Variants in SLCO6A1 observed in about 807,000 individuals in gnomAD.
The protein encoded by SLCO6A1 is solute carrier organic anion transporter family member 6A1, also known as cancer/testis antigen 48.
A neutral mutation model predicts 72.7 loss-of-function variants in SLCO6A1; 65 were observed. The observed-to-expected ratio is 0.89, with a 90% CI of 0.73 to 1.10. The LOEUF (loss-of-function observed/expected upper bound fraction) is 1.10, where lower values mean the gene tolerates loss of function less well. Ranked by LOEUF, SLCO6A1 falls within the 50% of genes least tolerant of loss-of-function variation. SLCO6A1 has a pLI of 0.00. For missense variants in SLCO6A1, 874 were observed against 872.6 expected (o/e 1.00, Z -0.02); for synonymous variants, 314 against 298.2 (o/e 1.05, Z -0.55).
chr5:102,399,853 A>G (rs1747305305), intron 9 of SLCO6A1, 111 bp from the exon 10 acceptor site: 2 of 677,302 alleles, frequency 3.0e-6, no homozygotes, highest in Non-Finnish European at 4.6e-6. Flanking sequence ...CATTAGTTTT[A>G]TTTCAAAATG....
At chr5:102,493,801 C>T (rs1483465353) in intron 1 of SLCO6A1, among the ~76,000 whole-genome samples, 6 of 152,050 alleles carry the variant, frequency 3.9e-5, no homozygotes, top group Non-Finnish European at 1.5e-5. Flanking sequence ...AACAAAGATG[C>T]AGGATAGAAG....
chr5:102,397,369 T>G (rs981617554), intron 10 of SLCO6A1, among the ~76,000 whole-genome samples: 1 of 152,152 alleles, frequency 6.6e-6, no homozygotes, highest in Admixed American at 6.5e-5. Context: ...ATTGATATAG[T>G]AGACTTAAAT....
At chr5:102,379,344 C>T (rs527641626) in intron 12 of SLCO6A1, among the ~76,000 whole-genome samples, 1 of 151,934 alleles carries the variant, frequency 6.6e-6, no homozygotes, top group Admixed American at 6.6e-5. Context: ...TATGTTCTTC[C>T]TACTCCAAGG....
chr5:102,382,397 G>A (rs1441192736), intron 12 of SLCO6A1, among the ~76,000 whole-genome samples: 1 of 151,560 alleles, frequency 6.6e-6, no homozygotes, highest in Admixed American at 6.6e-5. Flanking sequence ...TGTAGTATAT[G>A]TTGAAATTAG....
chr5:102,480,462 C>T (rs1293067263), intron 1 of SLCO6A1, 28 bp from the exon 2 acceptor site: 3 of 1,582,674 alleles, frequency 1.9e-6, no homozygotes, highest in African/African-American at 2.7e-5. Context: ...AAAGAGAAAA[C>T]AACGATATGC....
At chr5:102,495,439 C>T (rs534814639) in intron 1 of SLCO6A1, among the ~76,000 whole-genome samples, 18 of 151,830 alleles carry the variant, frequency 1.2e-4, no homozygotes, top group Non-Finnish European at 2.5e-4. Flanking sequence ...ATTAAAAATA[C>T]AAAAATTTAG....
At chr5:102,442,150 G>C (rs1749869001) in intron 6 of SLCO6A1, among the ~76,000 whole-genome samples, 1 of 152,154 alleles carries the variant, frequency 6.6e-6, no homozygotes, top group Non-Finnish European at 1.5e-5. Context: ...CCCTGGAACT[G>C]ATTTTTGGAG....
rs780528826 is a variant in SLCO6A1 at position 102,373,389 on chromosome 5, T to C, written c.2123A>G (p.Asn708Ser). 5 of 1,576,126 alleles carry C rather than the reference T, an allele frequency of 3.2e-6. No individual in the cohort carries two copies. The highest frequency in any genetic ancestry group is 4.3e-6 in the Non-Finnish European group (5 of 1,165,104). ...NTDFPDVTVK[N>S]PKVKKKEETD... Reference sequence around the variant, plus strand: ...TTCTTCTTTTTTCTTAACTTTTGGATTCTTCACAGTTACATCTGGGAAGTC... The same window carrying C: ...TTCTTCTTTTTTCTTAACTTTTGGACTCTTCACAGTTACATCTGGGAAGTC... Residue 708 changes from asparagine (N) to serine (S), a missense_variant, in exon 13 of 14, where the codon AAT becomes AGT. Physicochemically the swap from Asn to Ser is conservative, Grantham distance 46 (BLOSUM62 1). Transcript: ENST00000506729.
intron 12 of SLCO6A1, among the ~76,000 whole-genome samples, chr5:102,382,920 CAT>C (rs1056486905): frequency 1.3e-5 from 2 of 148,766 alleles, no homozygotes; most frequent in African/African-American, 4.9e-5. Flanking sequence ...CATATATATA[CAT>C]GAGATATATA....
At chr5:102,399,534 T>C in intron 10 of SLCO6A1, 21 bp downstream of exon 10, 1 of 1,318,440 alleles carries the variant, frequency 7.6e-7, no homozygotes, top group Non-Finnish European at 9.9e-7. Flanking sequence ...TAAACAATAA[T>C]AATGAGTAAT....
intron 12 of SLCO6A1, among the ~76,000 whole-genome samples, chr5:102,374,586 T>A (rs1444014699): frequency 6.6e-6 from 1 of 152,158 alleles, no homozygotes; most frequent in Non-Finnish European, 1.5e-5. Context: ...ATATCAATTA[T>A]CTGACATAAT....
At chr5:102,429,802 C>T (rs1749116179) in intron 7 of SLCO6A1, among the ~76,000 whole-genome samples, 2 of 151,748 alleles carry the variant, frequency 1.3e-5, no homozygotes, top group African/African-American at 4.8e-5. Flanking sequence ...TTTTTGGATC[C>T]ATATGAATTT....
In SLCO6A1 at chr5:102,413,129, C is replaced by T. The variant is rs141543083; in HGVS notation, c.1487G>A (p.Gly496Glu). ...TTCATTGCAAGGAGCCGTGAGGTTT[C>T]CCAACTTCCCTGTTCTGTAAAAACA... Reference protein sequence around the residue: ...NEDYDGTGKLGNLTAPCNEKC... With the variant: ...NEDYDGTGKLENLTAPCNEKC... The change falls in exon 9 of 14, where the codon GGA becomes GAA. Residue 496 changes from glycine (G) to glutamate (E), a missense_variant. Gly to Glu is a moderately conservative substitution (Grantham distance 98, BLOSUM62 -2). Coordinates refer to ENST00000506729, the MANE Select transcript of SLCO6A1 (RefSeq NM_173488.5). 54 of 1,562,942 alleles carry T rather than the reference C, an allele frequency of 3.5e-5. No individual in the cohort carries two copies. Among genetic ancestry groups the T allele is most frequent in the Admixed American group, 6.0e-5 (3 of 50,088 alleles).
intron 9 of SLCO6A1, among the ~76,000 whole-genome samples, chr5:102,410,980 G>A (rs553242403): frequency 6.6e-6 from 1 of 152,252 alleles, no homozygotes; most frequent in East Asian, 1.9e-4. Flanking sequence ...GGATTCTTCA[G>A]TAGAAGGAAA....
At chr5:102,375,672 G>A (rs1745743661) in intron 12 of SLCO6A1, among the ~76,000 whole-genome samples, 3 of 152,012 alleles carry the variant, frequency 2.0e-5, no homozygotes, top group African/African-American at 4.8e-5. Flanking sequence ...AGAAAAGGCC[G>A]ACAGGGTGCA....
intron 9 of SLCO6A1, among the ~76,000 whole-genome samples, chr5:102,412,525 C>A (rs1237769286): frequency 2.0e-5 from 3 of 152,086 alleles, no homozygotes; most frequent in Non-Finnish European, 2.9e-5. Context: ...GGAGGTGAGA[C>A]CAAGGCAGGT....
chr5:102,405,965 T>C (rs1198711157), intron 9 of SLCO6A1, among the ~76,000 whole-genome samples: 1 of 152,092 alleles, frequency 6.6e-6, no homozygotes, highest in African/African-American at 2.4e-5. Flanking sequence ...CTATGTGCTA[T>C]AATATTAATT....
chr5:102,373,288 TTATTAA>T, intron 13 of SLCO6A1, 43 bp downstream of exon 13: 1 of 1,184,270 alleles, frequency 8.4e-7, no homozygotes, highest in Non-Finnish European at 1.1e-6. Flanking sequence ...ACTTTAAATT[TTATTAA>T]TATTAATATT....
chr5:102,375,385 T>C (rs1271212401), intron 12 of SLCO6A1, among the ~76,000 whole-genome samples: 2 of 152,134 alleles, frequency 1.3e-5, no homozygotes, highest in Admixed American at 1.3e-4. Context: ...AGAAATTTAA[T>C]TAACTTACCC....
Sources: allele counts gnomAD v4.1 joint callset (sites outside exome capture counted in the v4.1 genomes callset), GRCh38; gene constraint gnomAD v4.1.1; transcripts MANE v1.5; gene names NCBI Gene and HGNC (gene_info 2026-07-23, HGNC 2026-07-21).